Variants in SPTAN1 observed in about 807,000 individuals in gnomAD.
SPTAN1 encodes the protein spectrin alpha chain, non-erythrocytic 1.
A neutral mutation model predicts 331.3 loss-of-function variants in SPTAN1; 61 were observed. The observed-to-expected ratio is 0.18, with a 90% CI of 0.15 to 0.23. The LOEUF (loss-of-function observed/expected upper bound fraction) is 0.23, where lower values mean the gene tolerates loss of function less well. Ranked by LOEUF, SPTAN1 falls within the 10% of genes least tolerant of loss-of-function variation. The pLI is 1.00. For synonymous variants in SPTAN1, 1,153 were observed against 1,173.9 expected (o/e 0.98, Z 0.36); for missense variants, 2,043 against 3,147.9 (o/e 0.65, Z 8.40).
Position 128,568,915 on chromosome 9 carries a change from G to C in SPTAN1, c.363+18G>C, listed in dbSNP as rs376019489. The C allele has an allele frequency of 3.7e-6, 6 of 1,613,778 alleles. No homozygotes were observed. The highest frequency in any genetic ancestry group is 4.2e-6 in the Non-Finnish European group (5 of 1,179,774). ...CCATACGGGTGAGTATGAGTAGCTC[G>C]TGGAGTGGATGGCTTCATCTGGGTG... On this transcript the variant is annotated intron_variant, in intron 3 of 56. Transcript: ENST00000372739.
In SPTAN1 at chr9:128,604,365, G is replaced by A. The variant is rs773140619; in HGVS notation, c.3667G>A (p.Glu1223Lys). 2.5e-6 allele frequency: 4 copies of A among 1,614,004 alleles called. No homozygotes were observed. Among genetic ancestry groups the A allele is most frequent in the Admixed American group, 1.7e-5 (1 of 60,000 alleles). ...CTGGCGGTCCCTACAGCAGCTGGCC[G>A]AGGAACGGAGCCAGCTCTTGGGCAG... Reference protein sequence around the residue: ...ERWRSLQQLAEERSQLLGSAH... With the variant: ...ERWRSLQQLAKERSQLLGSAH... The change falls in exon 29 of 57, where the codon GAG becomes AAG. Residue 1223 changes from glutamate to lysine, a missense_variant. Transcript: ENST00000372739.
At chr9:128,620,210 T>C (rs1857669635) in intron 44 of SPTAN1, among the ~76,000 whole-genome samples, 1 of 152,224 alleles carries the variant, frequency 6.6e-6, no homozygotes, top group African/African-American at 2.4e-5. Flanking sequence ...CAGATATGAC[T>C]AAATTCCTGC....
intron 27 of SPTAN1, among the ~76,000 whole-genome samples, chr9:128,602,201 G>GT (rs1428010341): frequency 2.7e-4 from 38 of 143,036 alleles, no homozygotes; most frequent in East Asian, 2.0e-3. Flanking sequence ...TTTTTTTTTT[G>GT]TTTTTTTTGG....
At chr9:128,575,745 G>A (rs899118003) in intron 5 of SPTAN1, among the ~76,000 whole-genome samples, 8 of 152,032 alleles carry the variant, frequency 5.3e-5, no homozygotes, top group Admixed American at 3.3e-4. Flanking sequence ...AGCTTCCCTG[G>A]GCTCTCTTGG....
intron 24 of SPTAN1, among the ~76,000 whole-genome samples, chr9:128,596,918 G>A (rs1854378811): frequency 1.3e-5 from 2 of 152,144 alleles, no homozygotes; most frequent in African/African-American, 4.8e-5. Context: ...CCAGCACTTT[G>A]GGAGGCCGAG....
chr9:128,579,812 C>T (rs868273656), intron 10 of SPTAN1, 74 bp downstream of exon 10: 1 of 1,198,822 alleles, frequency 8.3e-7, no homozygotes, highest in Middle Eastern at 1.9e-4. Flanking sequence ...TATTATTCAT[C>T]CTTAAATATC....
rs766616293 is a variant in SPTAN1 at position 128,633,260 on chromosome 9, G to A, written c.7360G>A (p.Val2454Met). The A allele has an allele frequency of 8.9e-5, 143 of 1,613,928 alleles. 1 individual carries two copies. Among genetic ancestry groups the A allele is most frequent in the South Asian group, 4.5e-4 (41 of 91,080 alleles). The change falls in exon 57 of 57, where the codon GTG (valine) becomes ATG (methionine). Residue 2454 changes from valine to methionine, a missense_variant. By Grantham distance (21) the Val-to-Met change is conservative. Transcript: ENST00000372739. ...CTGCGTCTCCCACATGAAGCCCTAC[G>A]TGGACGGCAAGGGCCGCGAGCTCCC... is the stretch of plus-strand genomic sequence containing the variant. ...DYCVSHMKPY[V>M]DGKGRELPTA...
At chr9:128,611,242 G>T (rs983242586) in intron 37 of SPTAN1, among the ~76,000 whole-genome samples, 1 of 152,168 alleles carries the variant, frequency 6.6e-6, no homozygotes, top group Non-Finnish European at 1.5e-5. Flanking sequence ...GGCCAATGTG[G>T]CTCGATTGCT....
chr9:128,575,382 A>C lies in SPTAN1; in HGVS notation c.651+37A>C, dbSNP rs2297769. 1,589,330 of 1,603,144 alleles carry C rather than the reference A, an allele frequency of 0.99. 788,319 individuals carry two copies. The highest frequency in any genetic ancestry group is 1 in the Non-Finnish European group (1,178,445 of 1,178,866). On this transcript the variant is annotated intron_variant, in intron 5 of 56. Coordinates refer to ENST00000372739, the MANE Select transcript of SPTAN1 (RefSeq NM_001130438.3). ...AGTGCTGTATGCTTCTCACAACATT[A>C]TTATGTTAACTTTTTAGTATATTCA...
chr9:128,576,672 T>TA, intron 5 of SPTAN1, 151 bp from the exon 6 acceptor site: 1 of 1,028,072 alleles, frequency 9.7e-7, no homozygotes, highest in Non-Finnish European at 1.5e-6. Flanking sequence ...TTTGGAGTTG[T>TA]AGTTCACTTT....
intron 1 of SPTAN1, among the ~76,000 whole-genome samples, chr9:128,556,100 A>G (rs1374006373): frequency 6.6e-6 from 1 of 152,094 alleles, no homozygotes; most frequent in Non-Finnish European, 1.5e-5. Context: ...GGGCCCCTGT[A>G]ATCCCAGCTA....
At chr9:128,556,559 C>T (rs1225163860) in intron 1 of SPTAN1, among the ~76,000 whole-genome samples, 1 of 152,192 alleles carries the variant, frequency 6.6e-6, no homozygotes, top group African/African-American at 2.4e-5. Flanking sequence ...ATTTGGGAAG[C>T]AATCAGAAGT....
intron 33 of SPTAN1, 23 bp from the exon 34 acceptor site, chr9:128,608,107 C>T: frequency 6.2e-7 from 1 of 1,614,184 alleles, no homozygotes; most frequent in Admixed American, 1.7e-5. Flanking sequence ...CTCATTTTCT[C>T]ACCTGCCTCT....
chr9:128,633,101 T>G (rs1198293379), intron 56 of SPTAN1, 108 bp from the exon 57 acceptor site: 10 of 1,593,214 alleles, frequency 6.3e-6, no homozygotes, highest in Non-Finnish European at 7.7e-6. Flanking sequence ...AAGTCCCGGA[T>G]CTGCTTGTAG....
chr9:128,581,134 G>T, intron 11 of SPTAN1, 75 bp downstream of exon 11: 4 of 1,600,530 alleles, frequency 2.5e-6, no homozygotes, highest in Non-Finnish European at 2.6e-6. Context: ...TAGTGTGCTT[G>T]TTTTGTTTTA....
intron 8 of SPTAN1, 35 bp from the exon 9 acceptor site, chr9:128,578,075 C>T (rs1258970637): frequency 6.2e-7 from 1 of 1,613,814 alleles, no homozygotes; most frequent in South Asian, 1.1e-5. Context: ...GGAACCTCCG[C>T]TGGAAACATA....
At chr9:128,631,815 C>T (rs1859782732) in intron 52 of SPTAN1, 1 of 375,968 alleles carries the variant, frequency 2.7e-6, no homozygotes, top group Non-Finnish European at 4.9e-6. Flanking sequence ...GAGACTCCAT[C>T]TCAAAAAAAT....
In SPTAN1 at chr9:128,626,312, AC is replaced by A. The variant is rs1047587276; in HGVS notation, c.6280-75del. The A allele has an allele frequency of 3.8e-6, 6 of 1,558,476 alleles. No homozygotes were observed. In the African/African-American group the frequency reaches 8.1e-5, roughly 21 times the overall value. ...TGTGCGCCTCTGATTCCCAGGAACC[AC>A]CCCGCACCCCACCTCCTGCACTGCG... On this transcript the variant is annotated intron_variant, in intron 48 of 56. Transcript: ENST00000372739.
chr9:128,607,792 G>T (rs1856081054), intron 32 of SPTAN1, 60 bp from the exon 33 acceptor site: 1 of 1,611,520 alleles, frequency 6.2e-7, no homozygotes, highest in Non-Finnish European at 8.5e-7. Context: ...GTGAGTCGGT[G>T]GTTGACGTCA....
Sources: gnomAD v4.1 joint callset for allele counts (sites outside exome capture counted in the v4.1 genomes callset) on GRCh38, gnomAD v4.1.1 for gene constraint, MANE v1.5 for transcripts, NCBI Gene and HGNC (gene_info 2026-07-23, HGNC 2026-07-21) for gene names.